Variants in FGD6 observed in about 807,000 individuals in gnomAD.
FGD6 encodes the protein FYVE, RhoGEF and PH domain containing 6, also known as FYVE, RhoGEF and PH domain-containing protein 6.
In FGD6, 90 loss-of-function variants were observed where a neutral mutation model predicts 149.4. The ratio of observed to expected loss-of-function variants is 0.60; its 90% confidence interval spans 0.51 to 0.72. FGD6 has a LOEUF of 0.72. Ranked by LOEUF, FGD6 falls within the 30% of genes least tolerant of loss-of-function variation. The pLI, the probability that FGD6 is intolerant of heterozygous loss-of-function variation, is 0.00. For synonymous variants in FGD6, 527 were observed against 584.0 expected (o/e 0.90, Z 1.41); for missense variants, 1,437 against 1,684.8 (o/e 0.85, Z 2.57).
rs1592854860 is a variant in FGD6, at chr12:95,153,923, G to GTA, written c.2587-931_2587-930insTA. Reference sequence around the variant, plus strand: ...GCTGAAATGAAATTCGTGTGTGTGTGTGTGTGTGTGTGTGTGTGTGTGTGA... The same window carrying GTA: ...GCTGAAATGAAATTCGTGTGTGTGTGTATGTGTGTGTGTGTGTGTGTGTGTGA... On this transcript the variant is annotated intron_variant, in intron 3 of 20. Transcript: ENST00000343958. Among the ~76,000 whole-genome samples, 16 of 127,396 alleles carry GTA rather than the reference G, an allele frequency of 1.3e-4. No individual in the cohort carries two copies. In the East Asian group the frequency reaches 3.7e-3, roughly 29 times the overall value. 83.6% of individuals were successfully genotyped at this position (127,396 alleles called of 152,430 possible).
chr12:95,155,538 CAAAACAA>C (rs1880443708), intron 3 of FGD6, among the ~76,000 whole-genome samples: 1 of 151,906 alleles, frequency 6.6e-6, no homozygotes, highest in Admixed American at 6.6e-5. Context: ...CAAAACAAAA[CAAAACAA>C]AAAACAAAAA....
intron 7 of FGD6, among the ~76,000 whole-genome samples, chr12:95,135,178 C>A (rs1879633689): frequency 6.6e-6 from 1 of 152,252 alleles, no homozygotes; most frequent in South Asian, 2.1e-4. Flanking sequence ...ACAAACAAAT[C>A]CCAATGGACC....
chr12:95,172,495 A>T, intron 3 of FGD6, 105 bp downstream of exon 3: 1 of 1,045,258 alleles, frequency 9.6e-7, no homozygotes, highest in Non-Finnish European at 1.3e-6. Flanking sequence ...AAAGTGTTTT[A>T]TAAGTTTTAA....
chr12:95,108,594 T>C (rs1403987436), intron 9 of FGD6, 33 bp from the exon 10 acceptor site: 2 of 1,611,976 alleles, frequency 1.2e-6, no homozygotes, highest in African/African-American at 1.3e-5. Context: ...GTGCATTTAG[T>C]AATTACAATG....
chr12:95,134,265 G>A (rs1221827897), intron 8 of FGD6, among the ~76,000 whole-genome samples: 1 of 152,046 alleles, frequency 6.6e-6, no homozygotes, highest in Non-Finnish European at 1.5e-5. Context: ...CCCAGCTACG[G>A]TACTATTCTA....
intron 6 of FGD6, 150 bp from the exon 7 acceptor site, chr12:95,137,828 C>T (rs548953075): frequency 3.8e-6 from 2 of 522,172 alleles, no homozygotes; most frequent in African/African-American, 2.0e-5. Flanking sequence ...TCACCATTTC[C>T]ACTGCCACCA....
chr12:95,178,715 T>C (rs1295569291), intron 2 of FGD6, among the ~76,000 whole-genome samples: 1 of 152,210 alleles, frequency 6.6e-6, no homozygotes, highest in Non-Finnish European at 1.5e-5. Flanking sequence ...TCCTATAATG[T>C]ATATATGTAG....
chr12:95,165,462 T>A (rs1195349643), intron 3 of FGD6, among the ~76,000 whole-genome samples: 1 of 151,552 alleles, frequency 6.6e-6, no homozygotes, highest in Admixed American at 6.6e-5. Context: ...GCCTCCTGAG[T>A]AGCTGGGATT....
At chr12:95,154,084 C>T (rs568499697) in intron 3 of FGD6, among the ~76,000 whole-genome samples, 25 of 152,034 alleles carry the variant, frequency 1.6e-4, no homozygotes, top group Non-Finnish European at 2.4e-4. Flanking sequence ...CTCAGCCTCC[C>T]GAGTAGCTGG....
rs1880352958 is a variant in FGD6, at chr12:95,152,966, C to T, written c.2614G>A (p.Val872Ile). ...QDEDNGMKSK[V>I]HHIAKEIMSS... ...ATGATCTCCTTGGCAATATGATGAACTTTACTTTTCATTCCATTATCTTCA... is the reference window on the plus strand; with the variant it reads ...ATGATCTCCTTGGCAATATGATGAATTTTACTTTTCATTCCATTATCTTCA... Residue 872 changes from valine (V) to isoleucine (I), a missense_variant, in exon 4 of 21, where the codon GTT (valine) becomes ATT (isoleucine). Physicochemically the swap from Val to Ile is conservative, Grantham distance 29. This residue lies in a region of FGD6 where 1,055 missense variants were observed against 1,146.0 expected (regional missense o/e 0.92). Transcript: ENST00000343958. 3 of 1,613,856 alleles carry T rather than the reference C, an allele frequency of 1.9e-6. No individual in the cohort carries two copies. Among genetic ancestry groups the T allele is most frequent in the Admixed American group, 1.7e-5 (1 of 59,994 alleles).
intron 14 of FGD6, among the ~76,000 whole-genome samples, chr12:95,102,161 T>C (rs1478958619): frequency 6.6e-6 from 1 of 150,860 alleles, no homozygotes; most frequent in Non-Finnish European, 1.5e-5. Context: ...TTAAAAAAGA[T>C]GGCCAGACGT....
intron 6 of FGD6, 70 bp from the exon 7 acceptor site, chr12:95,137,748 A>G (rs1879713797): frequency 9.1e-7 from 1 of 1,092,988 alleles, no homozygotes; most frequent in Admixed American, 3.0e-5. Context: ...TGATACGCAG[A>G]GTCCACATCT....
intron 8 of FGD6, among the ~76,000 whole-genome samples, chr12:95,134,408 G>A (rs1279875065): frequency 2.0e-5 from 3 of 152,140 alleles, no homozygotes; most frequent in South Asian, 2.1e-4. Flanking sequence ...GTTGGGGAAC[G>A]TACCTTCTTG....
In FGD6 at chr12:95,217,444, G is replaced by T; in HGVS notation, c.-204C>A. 2.7e-6 allele frequency: 2 copies of T among 743,550 alleles called. No individual in the cohort carries two copies. Among genetic ancestry groups the T allele is most frequent in the East Asian group, 3.4e-5 (1 of 29,194 alleles). 46.1% of individuals were successfully genotyped at this position (743,550 alleles called of 1,614,324 possible). Reference sequence around the variant, plus strand: ...GCGGCGCTCCCGGGCGCGAGCCGCCGGGGTCGGGCGGGCGAGCACTAGCAC... The same window carrying T: ...GCGGCGCTCCCGGGCGCGAGCCGCCTGGGTCGGGCGGGCGAGCACTAGCAC... On this transcript the variant is annotated 5_prime_UTR_variant, in exon 1 of 21. Transcript: ENST00000343958.
chr12:95,108,724 C>T (rs1878714654), intron 9 of FGD6, among the ~76,000 whole-genome samples, 163 bp from the exon 10 acceptor site: 1 of 152,102 alleles, frequency 6.6e-6, no homozygotes. Flanking sequence ...TCAATGAAGG[C>T]AAAACCAAAC....
chr12:95,210,545 T>A lies in FGD6; in HGVS notation c.739A>T (p.Ser247Cys), dbSNP rs139502708. Residue 247 changes from serine to cysteine, a missense_variant, in exon 2 of 21, where the codon AGT becomes TGT. Transcript: ENST00000343958. ...GTTTCAAAATGTTCACATTCATCACTAGGAAGCTGTAAGTGGCAACTGTGA... is the reference window on the plus strand; with the variant it reads ...GTTTCAAAATGTTCACATTCATCACAAGGAAGCTGTAAGTGGCAACTGTGA... ...DHHSCHLQLPSDECEHFETCQ... is the reference protein window; with the variant it reads ...DHHSCHLQLPCDECEHFETCQ... 2.5e-6 allele frequency: 4 copies of A among 1,614,120 alleles called. No individual in the cohort carries two copies. Among genetic ancestry groups the A allele is most frequent in the Non-Finnish European group, 3.4e-6 (4 of 1,180,014 alleles).
At chr12:95,194,598 G>A in intron 2 of FGD6, among the ~76,000 whole-genome samples, 1 of 151,194 alleles carries the variant, frequency 6.6e-6, no homozygotes, top group Non-Finnish European at 1.5e-5. Context: ...GGGGTTGACG[G>A]GAAGAGGTGG....
chr12:95,175,595 T>C (rs1881111598), intron 2 of FGD6, among the ~76,000 whole-genome samples: 1 of 151,594 alleles, frequency 6.6e-6, no homozygotes, highest in Non-Finnish European at 1.5e-5. Flanking sequence ...AAATACAAAA[T>C]TTAGCCGGGT....
chr12:95,209,541 T>C lies in FGD6; in HGVS notation c.1743A>G (p.Glu581=). The C allele has an allele frequency of 6.2e-7, 1 of 1,614,126 alleles. No individual in the cohort carries two copies. Among genetic ancestry groups the C allele is most frequent in the Non-Finnish European group, 8.5e-7 (1 of 1,180,022 alleles). ...ACGATACGGTGACAGACTTTAAGAA[T>C]TCTGGGTTCCCTGAAAAGGGTAAAA... is the stretch of plus-strand genomic sequence containing the variant. ...HPILPFSGNP[E]FLKSVTVSSN... is the part of the protein sequence containing the mutation. The change falls in exon 2 of 21, where the codon GAA becomes GAG. Residue 581 remains glutamate (E), a synonymous_variant. Coordinates refer to ENST00000343958, the MANE Select transcript of FGD6 (RefSeq NM_018351.4).
Sources: gnomAD v4.1 joint callset for allele counts (sites outside exome capture counted in the v4.1 genomes callset) on GRCh38, gnomAD v4.1.1 for gene constraint, gnomAD v4.1.1 regional missense constraint, MANE v1.5 for transcripts, NCBI Gene and HGNC (gene_info 2026-07-23, HGNC 2026-07-21) for gene names.